The following IFT56 variants were observed in gnomAD, a reference collection of about 807,000 sequenced individuals.
IFT56 encodes intraflagellar transport 56, also known as intraflagellar transport protein 56.
the IFT56 span, among the ~76,000 whole-genome samples, chr7:139,188,251 C>T: frequency 6.6e-6 from 1 of 151,916 alleles, no homozygotes; most frequent in Non-Finnish European, 1.5e-5. Flanking sequence ...CAGGCACGTG[C>T]CACCATGCCT....
At chr7:139,169,243 A>C in the IFT56 span, 8 of 1,515,764 alleles carry the variant, frequency 5.3e-6, no homozygotes, top group Non-Finnish European at 7.3e-6. Flanking sequence ...AATAAAATAA[A>C]ATATTTTTAC....
chr7:139,180,787 G>C, the IFT56 span, among the ~76,000 whole-genome samples: 3 of 152,156 alleles, frequency 2.0e-5, no homozygotes, highest in East Asian at 5.8e-4. Context: ...AAGTGAGATT[G>C]AAACGACGAG....
chr7:139,179,004 T>C, the IFT56 span, among the ~76,000 whole-genome samples: 2 of 152,226 alleles, frequency 1.3e-5, no homozygotes, highest in African/African-American at 4.8e-5. Flanking sequence ...CAGAAAAGTA[T>C]ACATATCATA....
the IFT56 span, chr7:139,147,078 A>C: frequency 6.3e-7 from 1 of 1,599,298 alleles, no homozygotes; most frequent in South Asian, 1.1e-5. Context: ...TCTATCACAT[A>C]GATATTGATT....
the IFT56 span, among the ~76,000 whole-genome samples, chr7:139,136,318 T>C: frequency 6.6e-6 from 1 of 152,222 alleles, no homozygotes; most frequent in Non-Finnish European, 1.5e-5. Flanking sequence ...GGAGTTGGCA[T>C]GGAAGAACCT....
the IFT56 span, among the ~76,000 whole-genome samples, chr7:139,166,063 T>C: frequency 3.9e-5 from 6 of 152,178 alleles, no homozygotes; most frequent in South Asian, 2.1e-4. Flanking sequence ...TTTCAAGCAA[T>C]TCTCCTGCCT....
chr7:139,142,674 C>CA, the IFT56 span, among the ~76,000 whole-genome samples: 4 of 151,880 alleles, frequency 2.6e-5, no homozygotes, highest in African/African-American at 7.3e-5. Flanking sequence ...TACTAAAATA[C>CA]AAAAAAAATT....
the IFT56 span, chr7:139,173,984 T>C: frequency 1.5e-6 from 1 of 646,022 alleles, no homozygotes; most frequent in Non-Finnish European, 2.9e-6. Context: ...AACTGCTTAA[T>C]GAATTTTCAT....
the IFT56 span, among the ~76,000 whole-genome samples, chr7:139,187,924 A>G: frequency 6.9e-6 from 1 of 145,774 alleles, no homozygotes; most frequent in Non-Finnish European, 1.5e-5. Flanking sequence ...TTTTTTGCCT[A>G]TTGGCTTTTT....
chr7:139,136,956 T>G, the IFT56 span, among the ~76,000 whole-genome samples: 1 of 152,156 alleles, frequency 6.6e-6, no homozygotes, highest in African/African-American at 2.4e-5. Flanking sequence ...ATTCATAGCA[T>G]TTGGTATGAG....
At chr7:139,182,270 C>G in the IFT56 span, among the ~76,000 whole-genome samples, 1 of 151,876 alleles carries the variant, frequency 6.6e-6, no homozygotes, top group African/African-American at 2.4e-5. Flanking sequence ...AAGAGAAACT[C>G]GTATTAAATT....
At chr7:139,165,420 C>T in the IFT56 span, among the ~76,000 whole-genome samples, 24 of 152,050 alleles carry the variant, frequency 1.6e-4, no homozygotes, top group African/African-American at 5.5e-4. Flanking sequence ...CCTCTTCTGT[C>T]GCTTCCTACC....
the IFT56 span, among the ~76,000 whole-genome samples, chr7:139,157,436 C>T: frequency 7.3e-5 from 11 of 151,100 alleles, no homozygotes; most frequent in African/African-American, 9.7e-5. Context: ...TGTGAGCCAC[C>T]GTGCCCGGCC....
the IFT56 span, among the ~76,000 whole-genome samples, chr7:139,137,551 A>G: frequency 2.4e-4 from 36 of 152,324 alleles, 1 homozygote; most frequent in Admixed American, 1.2e-3. Flanking sequence ...GGCTCTAAAT[A>G]TTTTACATAA....
the IFT56 span, chr7:139,173,430 T>C: frequency 3.7e-6 from 2 of 547,098 alleles, no homozygotes; most frequent in Non-Finnish European, 6.6e-6. Context: ...GGTTTCGCCA[T>C]GTTGGCCAGG....
At chr7:139,172,308 G>T in the IFT56 span, among the ~76,000 whole-genome samples, 1 of 152,178 alleles carries the variant, frequency 6.6e-6, no homozygotes, top group Non-Finnish European at 1.5e-5. Context: ...CAAGTGTTGT[G>T]TCAGAGCACT....
chr7:139,171,703 G>T, the IFT56 span, among the ~76,000 whole-genome samples: 2 of 152,162 alleles, frequency 1.3e-5, no homozygotes, highest in Non-Finnish European at 2.9e-5. Context: ...ATGGATTAAA[G>T]ACTGAAATCT....
At chr7:139,133,817 G>T in the IFT56 span, 1 of 1,614,068 alleles carries the variant, frequency 6.2e-7, no homozygotes. Context: ...CTGAGGCGCG[G>T]CCTTCGCTGT....
the IFT56 span, among the ~76,000 whole-genome samples, chr7:139,151,350 T>C: frequency 1.3e-5 from 2 of 151,944 alleles, no homozygotes; most frequent in South Asian, 2.1e-4. Flanking sequence ...AATAGAAACA[T>C]TGAATGTAAG....
Sources: gnomAD v4.1 joint callset for allele counts (sites outside exome capture counted in the v4.1 genomes callset) on GRCh38, gnomAD v4.1.1 for gene constraint, MANE v1.5 for transcripts, NCBI Gene and HGNC (gene_info 2026-07-23, HGNC 2026-07-21) for gene names.